HCN1: variants seen among roughly 807,000 people sequenced by gnomAD.
HCN1 encodes the protein hyperpolarization activated cyclic nucleotide gated potassium channel 1.
Under a neutral mutation model 78.9 loss-of-function variants are expected in HCN1, and 13 were observed. The observed-to-expected ratio is 0.16, with a 90% CI of 0.11 to 0.26. The LOEUF (loss-of-function observed/expected upper bound fraction) is 0.26, where lower values mean the gene tolerates loss of function less well. Ranked by LOEUF, HCN1 falls within the 10% of genes least tolerant of loss-of-function variation. The pLI, the probability that HCN1 is intolerant of heterozygous loss-of-function variation, is 1.00. For synonymous variants in HCN1, 552 were observed against 455.5 expected (o/e 1.21, Z -2.70); for missense variants, 810 against 1,154.3 (o/e 0.70, Z 4.32).
chr5:45,696,145 C>T lies in HCN1; in HGVS notation c.-52G>A, dbSNP rs983336709. 9 of 1,222,028 alleles carry T rather than the reference C, an allele frequency of 7.4e-6. No homozygotes were observed. The highest frequency in any genetic ancestry group is 9.4e-6 in the Non-Finnish European group (9 of 962,328). The allele number at this position is 1,222,028 out of a possible 1,614,324, so 75.7% of individuals were successfully genotyped here. A position where few individuals can be genotyped will look rare whatever the true frequency, so the allele number is the denominator to read the frequency against. On this transcript the variant is annotated 5_prime_UTR_variant, in exon 1 of 8. Transcript: ENST00000303230. ...GCGGGCTCCAGACTCGCCGGCCGCCCGGCGCCGGAGACACGTAGCCGAGAG... is the reference window on the plus strand; with the variant it reads ...GCGGGCTCCAGACTCGCCGGCCGCCTGGCGCCGGAGACACGTAGCCGAGAG...
At chr5:45,339,972 G>A (rs1453117136) in intron 5 of HCN1, among the ~76,000 whole-genome samples, 1 of 152,136 alleles carries the variant, frequency 6.6e-6, no homozygotes, top group Non-Finnish European at 1.5e-5. Flanking sequence ...AGGCTGGAGT[G>A]CAATGGCATG....
chr5:45,586,671 T>C (rs1366423460), intron 2 of HCN1, among the ~76,000 whole-genome samples: 1 of 152,020 alleles, frequency 6.6e-6, no homozygotes, highest in African/African-American at 2.4e-5. Context: ...GGCTCCTCCC[T>C]CCTATTGTTG....
chr5:45,575,786 T>C (rs1465902278), intron 2 of HCN1: 1 of 152,124 alleles, frequency 6.6e-6, no homozygotes, highest in Non-Finnish European at 1.5e-5. Flanking sequence ...CTGATGAAGA[T>C]GTACAAGGAG....
chr5:45,297,117 G>C (rs1404737568), intron 6 of HCN1, among the ~76,000 whole-genome samples: 1 of 152,014 alleles, frequency 6.6e-6, no homozygotes, highest in East Asian at 1.9e-4. Flanking sequence ...CAGCAAACCT[G>C]TCATTAGCAT....
At chr5:45,314,648 A>G (rs1745938326) in intron 5 of HCN1, among the ~76,000 whole-genome samples, 1 of 152,120 alleles carries the variant, frequency 6.6e-6, no homozygotes, top group African/African-American at 2.4e-5. Flanking sequence ...AAGACCCATC[A>G]GTGTGCTGTA....
intron 3 of HCN1, among the ~76,000 whole-genome samples, chr5:45,425,323 A>G (rs947282610): frequency 6.6e-6 from 1 of 152,234 alleles, no homozygotes; most frequent in African/African-American, 2.4e-5. Context: ...TAATACCAAG[A>G]AATTCATTTA....
At chr5:45,348,625 T>A (rs538095721) in intron 5 of HCN1, among the ~76,000 whole-genome samples, 11 of 152,240 alleles carry the variant, frequency 7.2e-5, no homozygotes, top group African/African-American at 2.6e-4. Context: ...GAAACCCATC[T>A]CATGTGCAGA....
At chr5:45,569,986 T>C (rs1220934849) in intron 2 of HCN1, among the ~76,000 whole-genome samples, 1 of 152,106 alleles carries the variant, frequency 6.6e-6, no homozygotes, top group Non-Finnish European at 1.5e-5. Context: ...CCAGACAGAT[T>C]TGACTAAAAG....
chr5:45,374,803 T>TAG (rs1747567329), intron 4 of HCN1, among the ~76,000 whole-genome samples: 1 of 147,512 alleles, frequency 6.8e-6, no homozygotes, highest in African/African-American at 2.5e-5. Flanking sequence ...TATATATATA[T>TAG]AAAACCATAT....
chr5:45,693,163 G>A (rs996396583), intron 1 of HCN1, among the ~76,000 whole-genome samples: 6 of 151,980 alleles, frequency 3.9e-5, no homozygotes, highest in Admixed American at 3.9e-4. Flanking sequence ...AAAAACTACC[G>A]CTAGAATTTT....
intron 2 of HCN1, among the ~76,000 whole-genome samples, chr5:45,583,039 T>C (rs1164526569): frequency 6.6e-6 from 1 of 152,082 alleles, no homozygotes; most frequent in Non-Finnish European, 1.5e-5. Flanking sequence ...GTTGGCCTCA[T>C]AAAATGAGTT....
chr5:45,447,809 G>A (rs1157498756), intron 3 of HCN1, among the ~76,000 whole-genome samples: 2 of 151,938 alleles, frequency 1.3e-5, no homozygotes, highest in Non-Finnish European at 2.9e-5. Flanking sequence ...AGGGGGAGGT[G>A]TTTGGTATAT....
At chr5:45,374,438 A>C (rs901851690) in intron 4 of HCN1, among the ~76,000 whole-genome samples, 2 of 148,630 alleles carry the variant, frequency 1.3e-5, no homozygotes, top group South Asian at 2.1e-4. Context: ...CAACCTCCCA[A>C]GACTGAATCA....
At chr5:45,318,380 C>T (rs1346405492) in intron 5 of HCN1, among the ~76,000 whole-genome samples, 1 of 151,904 alleles carries the variant, frequency 6.6e-6, no homozygotes, top group Non-Finnish European at 1.5e-5. Context: ...TACTTGGTCA[C>T]AGAAAGGGGA....
intron 7 of HCN1, among the ~76,000 whole-genome samples, chr5:45,265,860 A>G (rs972697518): frequency 6.6e-6 from 1 of 152,204 alleles, no homozygotes; most frequent in Non-Finnish European, 1.5e-5. Context: ...CTCTAGAGCC[A>G]GTAATAAAAG....
At chr5:45,374,948 C>G (rs1275825931) in intron 4 of HCN1, among the ~76,000 whole-genome samples, 1 of 142,398 alleles carries the variant, frequency 7.0e-6, no homozygotes, top group Non-Finnish European at 1.5e-5. Context: ...TTGAACTATA[C>G]TATAGTTTGT....
intron 2 of HCN1, among the ~76,000 whole-genome samples, chr5:45,555,365 T>C (rs1359551936): frequency 4.6e-5 from 7 of 151,690 alleles, no homozygotes; most frequent in Admixed American, 2.0e-4. Context: ...TAATATAAAC[T>C]ATAAAACACT....
intron 2 of HCN1, among the ~76,000 whole-genome samples, chr5:45,634,396 T>G (rs1745323091): frequency 6.6e-6 from 1 of 151,974 alleles, no homozygotes; most frequent in East Asian, 1.9e-4. Context: ...TAGTGAAATT[T>G]TAGTTATTAA....
At chr5:45,531,292 T>G (rs1355508239) in intron 2 of HCN1, among the ~76,000 whole-genome samples, 1 of 152,178 alleles carries the variant, frequency 6.6e-6, no homozygotes, top group Non-Finnish European at 1.5e-5. Flanking sequence ...TTCTGTTCTT[T>G]TCTCATATCT....
Sources: allele counts gnomAD v4.1 joint callset (sites outside exome capture counted in the v4.1 genomes callset), GRCh38; gene constraint gnomAD v4.1.1; transcripts MANE v1.5; gene names NCBI Gene and HGNC (gene_info 2026-07-23, HGNC 2026-07-21).